CFAP44: variants seen among roughly 807,000 people sequenced by gnomAD.
The protein encoded by CFAP44 is cilia and flagella associated protein 44.
A neutral mutation model predicts 216.2 loss-of-function variants in CFAP44; 134 were observed. The observed-to-expected ratio is 0.62, with a 90% CI of 0.54 to 0.72. The LOEUF (loss-of-function observed/expected upper bound fraction) is 0.72. Ranked by LOEUF, CFAP44 falls within the 30% of genes least tolerant of loss-of-function variation. CFAP44 has a pLI of 0.00. For missense variants in CFAP44, 2,035 were observed against 2,182.1 expected (o/e 0.93, Z 1.34); for synonymous variants, 700 against 727.6 (o/e 0.96, Z 0.61).
chr3:113,368,070 C>T (rs1933019916), intron 18 of CFAP44, among the ~76,000 whole-genome samples: 1 of 152,136 alleles, frequency 6.6e-6, no homozygotes, highest in Non-Finnish European at 1.5e-5. Context: ...AACAAAGTCT[C>T]CAAGAAATAT....
chr3:113,418,169 C>A (rs546546678), intron 5 of CFAP44, among the ~76,000 whole-genome samples: 58 of 152,130 alleles, frequency 3.8e-4, no homozygotes, highest in African/African-American at 1.4e-3. Flanking sequence ...CTGTCTGCAA[C>A]CTCTGCCTCC....
At chr3:113,326,713 A>C (rs1950192347) in intron 27 of CFAP44, 73 bp from the exon 28 acceptor site, 1 of 879,170 alleles carries the variant, frequency 1.1e-6, no homozygotes, top group Admixed American at 3.6e-5. Flanking sequence ...TGTACTTTAC[A>C]ATACAAGGTT....
In CFAP44 at chr3:113,407,049, C is replaced by A; in HGVS notation, c.891-8G>T. On this transcript the variant is annotated splice_region_variant and splice_polypyrimidine_tract_variant and intron_variant, in intron 7 of 34. Transcript: ENST00000393845. ...AAAGCCATTTCCCAGAACCTACAAA[C>A]AAGAAAGAGACTGAATGTACCTCAA... 1 of 1,600,228 alleles carries A rather than the reference C, an allele frequency of 6.2e-7. No individual in the cohort carries two copies. Among genetic ancestry groups the A allele is most frequent in the African/African-American group, 1.3e-5 (1 of 74,754 alleles).
intron 25 of CFAP44, among the ~76,000 whole-genome samples, chr3:113,332,265 C>CT (rs1279838795): frequency 6.6e-6 from 1 of 151,904 alleles, no homozygotes; most frequent in Non-Finnish European, 1.5e-5. Flanking sequence ...GAAAACAATC[C>CT]AAATGGTCAT....
Position 113,420,014 on chromosome 3 carries a change from T to C in CFAP44, c.570+3A>G. On this transcript the variant is annotated splice_donor_region_variant and intron_variant, in intron 5 of 34. Transcript: ENST00000393845. ...GTTTTTTTCTAATTTATTGAAGGCA[T>C]ACCCCAATGACGCCAATTCCTTCAC... 5 of 1,612,346 alleles carry C rather than the reference T, an allele frequency of 3.1e-6. No individual in the cohort carries two copies. In the South Asian group the frequency reaches 3.3e-5, roughly 11 times the overall value.
intron 22 of CFAP44, among the ~76,000 whole-genome samples, chr3:113,350,958 C>A (rs902648406): frequency 2.6e-5 from 4 of 152,154 alleles, no homozygotes; most frequent in African/African-American, 9.7e-5. Flanking sequence ...CTAGGAGGAA[C>A]TCCCTTCAGG....
At chr3:113,344,115 G>T (rs1950359563) in intron 23 of CFAP44, among the ~76,000 whole-genome samples, 4 of 152,220 alleles carry the variant, frequency 2.6e-5, no homozygotes, top group Admixed American at 2.6e-4. Flanking sequence ...CTACACTTTG[G>T]AATAGGGCCC....
At position 113,363,476 on chromosome 3, in the gene CFAP44, C is replaced by T. The variant is rs754831283; in HGVS notation, c.2771+1G>A. The T allele has an allele frequency of 1.2e-6, 2 of 1,609,954 alleles. No individual in the cohort carries two copies. The highest frequency in any genetic ancestry group is 1.7e-5 in the Admixed American group (1 of 59,588). On this transcript the variant is annotated splice_donor_variant, in intron 20 of 34. Coordinates refer to ENST00000393845, the MANE Select transcript of CFAP44 (RefSeq NM_001164496.2). LOFTEE classifies it high-confidence loss of function. ...TCAGTATTTATCAAAAATTCCCATA[C>T]CTGTAGGCTTTGGGATCTTCAATGT...
chr3:113,339,540 C>T (rs1452749088), intron 24 of CFAP44, among the ~76,000 whole-genome samples: 1 of 152,120 alleles, frequency 6.6e-6, no homozygotes, highest in African/African-American at 2.4e-5. Context: ...AACTGAGTAC[C>T]TTGGGCCTGT....
At chr3:113,365,633 C>T (rs1183036949) in intron 19 of CFAP44, among the ~76,000 whole-genome samples, 7 of 152,172 alleles carry the variant, frequency 4.6e-5, no homozygotes, top group African/African-American at 1.7e-4. Context: ...TATATTTTTG[C>T]AACCCCTATC....
At position 113,291,472 on chromosome 3, in the gene CFAP44, A is replaced by C; in HGVS notation, c.*85T>G. 1 of 1,425,388 alleles carries C rather than the reference A, an allele frequency of 7.0e-7. No homozygotes were observed. Among genetic ancestry groups the C allele is most frequent in the Non-Finnish European group, 9.4e-7 (1 of 1,066,544 alleles). The allele number at this position is 1,425,388 out of a possible 1,614,324, so 88.3% of individuals were successfully genotyped here. On this transcript the variant is annotated 3_prime_UTR_variant, in exon 35 of 35. Coordinates refer to ENST00000393845, the MANE Select transcript of CFAP44 (RefSeq NM_001164496.2). Reference sequence around the variant, plus strand: ...CTTTCAGGCGAGTTCAGTTTAAAGTAATAAGATTGTTGGAGGTGATGAGGA... The same window carrying C: ...CTTTCAGGCGAGTTCAGTTTAAAGTCATAAGATTGTTGGAGGTGATGAGGA...
At chr3:113,345,704 A>T (rs1162085407) in intron 22 of CFAP44, among the ~76,000 whole-genome samples, 1 of 152,064 alleles carries the variant, frequency 6.6e-6, no homozygotes, top group Non-Finnish European at 1.5e-5. Context: ...TAATTAACAA[A>T]TTTTTTTCAT....
At chr3:113,418,587 G>T (rs1934717302) in intron 5 of CFAP44, among the ~76,000 whole-genome samples, 1 of 152,130 alleles carries the variant, frequency 6.6e-6, no homozygotes, top group African/African-American at 2.4e-5. Flanking sequence ...TGGAGGCAAG[G>T]CCTCTGTCAC....
intron 11 of CFAP44, 145 bp from the exon 12 acceptor site, chr3:113,400,789 A>G (rs1576590462): frequency 1.3e-6 from 1 of 744,586 alleles, no homozygotes; most frequent in South Asian, 1.6e-5. Context: ...AGTTAGAAAG[A>G]ACACTGGTTC....
At chr3:113,368,505 A>G (rs1469749330) in intron 18 of CFAP44, among the ~76,000 whole-genome samples, 2 of 152,210 alleles carry the variant, frequency 1.3e-5, no homozygotes, top group African/African-American at 4.8e-5. Flanking sequence ...TCATCAGTGA[A>G]GGAGAAATAA....
chr3:113,402,331 C>G (rs1261983501), intron 9 of CFAP44, among the ~76,000 whole-genome samples: 1 of 152,194 alleles, frequency 6.6e-6, no homozygotes, highest in African/African-American at 2.4e-5. Flanking sequence ...GTAAGTGAGA[C>G]AGTAAATGTT....
intron 34 of CFAP44, 164 bp downstream of exon 34, chr3:113,294,523 T>C: frequency 1.2e-6 from 1 of 856,620 alleles, no homozygotes; most frequent in South Asian, 2.2e-5. Context: ...CCCACTGTAA[T>C]GTGGCTAACA....
At chr3:113,339,867 AAC>A (rs961858610) in intron 24 of CFAP44, among the ~76,000 whole-genome samples, 12 of 152,094 alleles carry the variant, frequency 7.9e-5, no homozygotes, top group African/African-American at 2.9e-4. Flanking sequence ...AAAAAAGAAA[AAC>A]AGTTTAGGGG....
chr3:113,414,532 C>A (rs776377533), intron 6 of CFAP44, among the ~76,000 whole-genome samples: 11 of 152,074 alleles, frequency 7.2e-5, no homozygotes, highest in Non-Finnish European at 1.2e-4. Context: ...AAGATATATT[C>A]CATCAATACC....
Sources: gnomAD v4.1 joint callset for allele counts (sites outside exome capture counted in the v4.1 genomes callset) on GRCh38, gnomAD v4.1.1 for gene constraint, MANE v1.5 for transcripts, NCBI Gene and HGNC (gene_info 2026-07-23, HGNC 2026-07-21) for gene names.